SKI: variants seen among roughly 807,000 people sequenced by gnomAD.
SKI encodes the protein ski oncogene.
Under a neutral mutation model 59.3 loss-of-function variants are expected in SKI, and 23 were observed. That is an observed-to-expected ratio of 0.39 (90% confidence interval 0.28 to 0.55). The LOEUF is 0.55. Among genes scored for constraint, SKI ranks in the 20% least tolerant of loss-of-function variants. The pLI is 0.67. For missense variants in SKI, 1,017 were observed against 1,038.9 expected, an observed-to-expected ratio of 0.98 and a Z score of 0.29; for synonymous variants, 673 against 488.6, an observed-to-expected ratio of 1.38 and a Z score of -4.98.
At chr1:2,282,791 C>T (rs1639935391) in intron 1 of SKI, among the ~76,000 whole-genome samples, 1 of 151,452 alleles carries the variant, frequency 6.6e-6, no homozygotes, top group Non-Finnish European at 1.5e-5. Flanking sequence ...GGCGCCAGTC[C>T]TGTCCTTGGC....
chr1:2,297,787 TGAGGA>T (rs557591044), intron 1 of SKI, among the ~76,000 whole-genome samples: 36 of 152,230 alleles, frequency 2.4e-4, no homozygotes, highest in Non-Finnish European at 4.6e-4. Context: ...TGCTGCATGC[TGAGGA>T]GAGGAGGCGT....
chr1:2,230,816 AC>A (rs1334035922), intron 1 of SKI, among the ~76,000 whole-genome samples: 1 of 152,018 alleles, frequency 6.6e-6, no homozygotes, highest in East Asian at 1.9e-4. Flanking sequence ...ATTGCATCAA[AC>A]TTTTTTTTTC....
intron 1 of SKI, among the ~76,000 whole-genome samples, chr1:2,295,425 T>C (rs996822116): frequency 2.0e-5 from 3 of 152,258 alleles, no homozygotes; most frequent in African/African-American, 4.8e-5. Context: ...ACCATAAAAT[T>C]CTTCCTTCCA....
chr1:2,278,191 C>T (rs1639787691), intron 1 of SKI, among the ~76,000 whole-genome samples: 1 of 152,232 alleles, frequency 6.6e-6, no homozygotes, highest in Non-Finnish European at 1.5e-5. Context: ...GCTGCTCCCA[C>T]TGGTCTCTGT....
Position 2,275,802 on chromosome 1 carries a change from C to G in SKI, c.970-27176C>G, listed in dbSNP as rs189877757. On this transcript the variant is annotated intron_variant, in intron 1 of 6. Coordinates refer to ENST00000378536, the MANE Select transcript of SKI (RefSeq NM_003036.4). ...GCTGGGATTACAGGCTGAGCCACCG[C>G]ACTGGCCAGCGTTTATCTTTAAATG... is the stretch of plus-strand genomic sequence containing the variant. Among the ~76,000 whole-genome samples the G allele has an allele frequency of 8.5e-5, 13 of 152,344 alleles. 1 individual carries two copies. The East Asian group carries it at 1.5e-3, about 18-fold the overall frequency.
At chr1:2,289,023 T>G (rs370458011) in intron 1 of SKI, among the ~76,000 whole-genome samples, 47 of 152,228 alleles carry the variant, frequency 3.1e-4, no homozygotes, top group African/African-American at 1.1e-3. Context: ...CACCTGTCAC[T>G]GAGCTGTCAG....
In SKI at chr1:2,304,295, A is replaced by T; in HGVS notation, c.1477A>T (p.Thr493Ser). 6.4e-7 allele frequency: 1 copy of T among 1,550,902 alleles called. No individual in the cohort carries two copies. Among genetic ancestry groups the T allele is most frequent in the Non-Finnish European group, 8.7e-7 (1 of 1,146,760 alleles). ...TTCTGTCTCTGCTTCCTCCTCAGTC[A>T]CCTCCTCCTTGTCCTCGCTCTCTTC... is the stretch of plus-strand genomic sequence containing the variant. ...EVEVESREEF[T>S]SSLSSLSSPS... is the part of the protein sequence containing the mutation. The change falls in exon 5 of 7, where the codon ACC becomes TCC. Residue 493 changes from threonine to serine, a missense_variant and splice_region_variant. By Grantham distance (58) the Thr-to-Ser change is moderately conservative. Coordinates refer to ENST00000378536, the MANE Select transcript of SKI (RefSeq NM_003036.4).
rs747798210 is a variant in SKI, at chr1:2,306,752, A to C, written c.2174A>C (p.Glu725Ala). 57 of 1,522,192 alleles carry C rather than the reference A, an allele frequency of 3.7e-5. No individual in the cohort carries two copies. The African/African-American group carries it at 7.0e-4, about 19-fold the overall frequency. The allele number at this position is 1,522,192 out of a possible 1,614,324, so 94.3% of individuals were successfully genotyped here. A position where few individuals can be genotyped will look rare whatever the true frequency, so the allele number is the denominator to read the frequency against. ...PEAAGSEGAAELEP is the reference protein window; with the variant it reads ...PEAAGSEGAAALEP ...GCTGCGGGCAGCGAGGGCGCTGCGG[A>C]GCTGGAGCCGTAGATTCCGTGCCTG... is the stretch of plus-strand genomic sequence containing the variant. Residue 725 changes from glutamate (E) to alanine (A), a missense_variant, in exon 7 of 7, where the codon GAG (glutamate) becomes GCG (alanine). Glu to Ala is a moderately radical substitution (Grantham distance 107). Transcript: ENST00000378536.
chr1:2,287,769 G>C (rs935035843), intron 1 of SKI, among the ~76,000 whole-genome samples: 1 of 152,150 alleles, frequency 6.6e-6, no homozygotes, highest in Non-Finnish European at 1.5e-5. Flanking sequence ...GAGATGGATG[G>C]ATTCCCAGGG....
intron 1 of SKI, among the ~76,000 whole-genome samples, chr1:2,297,035 G>A (rs569615736): frequency 1.3e-5 from 2 of 152,056 alleles, no homozygotes; most frequent in South Asian, 4.2e-4. Flanking sequence ...GAGGTGCCAG[G>A]CACCCGCACA....
Position 2,229,319 on chromosome 1 carries a change from C to T in SKI, c.553C>T (p.Leu185=), listed in dbSNP as rs753251990. ...GLITKTDAER[L]CNALLYGGAY... is the part of the protein sequence containing the mutation. Reference sequence around the variant, plus strand: ...CATCACCAAGACGGACGCCGAGCGCCTGTGCAACGCGCTGCTCTACGGCGG... The same window carrying T: ...CATCACCAAGACGGACGCCGAGCGCTTGTGCAACGCGCTGCTCTACGGCGG... The change falls in exon 1 of 7, where the codon CTG becomes TTG. Residue 185 remains leucine (L), a synonymous_variant. Coordinates refer to ENST00000378536, the MANE Select transcript of SKI (RefSeq NM_003036.4). This position sits in a 1 kb window ranked among gnomAD's most constrained non-coding sequence, Gnocchi z 6.3. The T allele has an allele frequency of 1.3e-5, 20 of 1,596,522 alleles. No homozygotes were observed. The highest frequency in any genetic ancestry group is 8.7e-5 in the Admixed American group (5 of 57,726).
At chr1:2,233,186 G>T (rs768919085) in intron 1 of SKI, among the ~76,000 whole-genome samples, 5 of 151,154 alleles carry the variant, frequency 3.3e-5, no homozygotes, top group African/African-American at 1.2e-4. Flanking sequence ...TGCTCCAAGG[G>T]GGGGTCCTGC....
At chr1:2,271,369 G>A (rs1291069675) in intron 1 of SKI, among the ~76,000 whole-genome samples, 1 of 151,990 alleles carries the variant, frequency 6.6e-6, no homozygotes. Context: ...TCTCCCGCCG[G>A]GAGAGGTCCC....
intron 1 of SKI, 47 bp from the exon 2 acceptor site, chr1:2,302,931 C>T: frequency 6.2e-7 from 1 of 1,612,860 alleles, no homozygotes; most frequent in African/African-American, 1.3e-5. Flanking sequence ...TGGAGGGACC[C>T]TGCCCTGGGA....
chr1:2,275,307 T>G (rs1449436740), intron 1 of SKI, among the ~76,000 whole-genome samples: 1 of 152,150 alleles, frequency 6.6e-6, no homozygotes, highest in Non-Finnish European at 1.5e-5. Flanking sequence ...TTGTAGTCAC[T>G]GAGTTCGAGG....
chr1:2,252,170 C>T (rs962892089), intron 1 of SKI, among the ~76,000 whole-genome samples: 20 of 152,320 alleles, frequency 1.3e-4, no homozygotes, highest in Admixed American at 1.0e-3. Context: ...GGGTTGGAAT[C>T]TCCAGTTTAA....
intron 1 of SKI, among the ~76,000 whole-genome samples, chr1:2,249,901 C>T (rs1288414444): frequency 6.6e-6 from 1 of 151,970 alleles, no homozygotes. Flanking sequence ...CAGCTTGCAT[C>T]TTTTGGCCAC....
At chr1:2,231,820 A>T (rs568301063) in intron 1 of SKI, among the ~76,000 whole-genome samples, 1 of 152,296 alleles carries the variant, frequency 6.6e-6, no homozygotes, top group South Asian at 2.1e-4. Context: ...TGGGGCACCC[A>T]TCCTGCCCGT....
At chr1:2,294,787 G>A (rs540364455) in intron 1 of SKI, among the ~76,000 whole-genome samples, 6 of 152,254 alleles carry the variant, frequency 3.9e-5, no homozygotes, top group African/African-American at 1.2e-4. Flanking sequence ...TCAGGCCCCC[G>A]TCTGCCAGTC....
Sources: gnomAD v4.1 joint callset for allele counts (sites outside exome capture counted in the v4.1 genomes callset) on GRCh38, gnomAD v4.1.1 for gene constraint, Gnocchi (gnomAD v3.1) non-coding constraint, MANE v1.5 for transcripts, NCBI Gene and HGNC (gene_info 2026-07-23, HGNC 2026-07-21) for gene names.